The following PPP3CA variants were observed in gnomAD, a reference collection of about 807,000 sequenced individuals.
PPP3CA encodes the protein CAM-PRP catalytic subunit.
A neutral mutation model predicts 66.5 loss-of-function variants in PPP3CA; 14 were observed. That is an observed-to-expected ratio of 0.21 (90% confidence interval 0.14 to 0.33). PPP3CA has a LOEUF of 0.33. Ranked by LOEUF, PPP3CA falls within the 10% of genes least tolerant of loss-of-function variation. The pLI is 1.00. For synonymous variants in PPP3CA, 232 were observed against 226.2 expected (o/e 1.03, Z -0.23); for missense variants, 317 against 639.5 (o/e 0.50, Z 5.44).
At chr4:101,106,458 A>AGAAAGAGAAG (rs1560605216) in intron 3 of PPP3CA, among the ~76,000 whole-genome samples, 1 of 32,676 alleles carries the variant, frequency 3.1e-5, no homozygotes, top group African/African-American at 1.8e-4. Flanking sequence ...AGAAAGAGAA[A>AGAAAGAGAAG]AGAAAAGAAA....
intron 11 of PPP3CA, among the ~76,000 whole-genome samples, chr4:101,036,369 C>T (rs1727248051): frequency 6.6e-6 from 1 of 151,956 alleles, no homozygotes; most frequent in Non-Finnish European, 1.5e-5. Flanking sequence ...TTGCTGTACT[C>T]TTGTCTCTGT....
intron 8 of PPP3CA, among the ~76,000 whole-genome samples, chr4:101,076,489 G>T (rs1729197765): frequency 6.6e-6 from 1 of 152,264 alleles, no homozygotes; most frequent in African/African-American, 2.4e-5. Context: ...ATAAATACAA[G>T]AGAAAATGAT....
intron 1 of PPP3CA, among the ~76,000 whole-genome samples, chr4:101,218,199 A>T (rs1725513190): frequency 6.6e-6 from 1 of 151,922 alleles, no homozygotes; most frequent in African/African-American, 2.4e-5. Flanking sequence ...AGGAAGAGAG[A>T]GTTATTAAAT....
At chr4:101,138,313 G>C (rs1722688399) in intron 2 of PPP3CA, among the ~76,000 whole-genome samples, 1 of 152,176 alleles carries the variant, frequency 6.6e-6, no homozygotes, top group Admixed American at 6.5e-5. Context: ...TTTTGGGTAA[G>C]TAACTAAGCT....
At chr4:101,337,918 A>G (rs1451990897) in intron 1 of PPP3CA, among the ~76,000 whole-genome samples, 1 of 152,152 alleles carries the variant, frequency 6.6e-6, no homozygotes, top group African/African-American at 2.4e-5. Flanking sequence ...AGCAGCCTGT[A>G]CTCGTGATGG....
intron 3 of PPP3CA, among the ~76,000 whole-genome samples, chr4:101,102,797 C>T (rs1730506693): frequency 6.6e-6 from 1 of 152,130 alleles, no homozygotes; most frequent in Non-Finnish European, 1.5e-5. Context: ...AGATGGCTAA[C>T]TTGAATCAAA....
intron 1 of PPP3CA, among the ~76,000 whole-genome samples, chr4:101,219,364 A>G (rs973129296): frequency 5.3e-5 from 8 of 152,020 alleles, no homozygotes; most frequent in Admixed American, 2.0e-4. Context: ...GTAAAGCTCT[A>G]GTATATTATT....
intron 1 of PPP3CA, among the ~76,000 whole-genome samples, chr4:101,310,704 ATTTG>A (rs1186558343): frequency 6.6e-6 from 1 of 152,228 alleles, no homozygotes; most frequent in Non-Finnish European, 1.5e-5. Flanking sequence ...AAAATTAAAA[ATTTG>A]TTTAATTTTG....
At chr4:101,164,940 T>A (rs957043147) in intron 2 of PPP3CA, among the ~76,000 whole-genome samples, 15 of 152,138 alleles carry the variant, frequency 9.9e-5, no homozygotes, top group African/African-American at 3.6e-4. Context: ...TATACATATA[T>A]AATTTTTAAA....
intron 1 of PPP3CA, among the ~76,000 whole-genome samples, chr4:101,287,766 CTTT>C (rs34972470): frequency 2.7e-5 from 4 of 146,184 alleles, no homozygotes; most frequent in Non-Finnish European, 4.5e-5. Context: ...ATTAACCTCT[CTTT>C]TTTTTTTTTT....
chr4:101,160,657 C>T (rs1723474962), intron 2 of PPP3CA, among the ~76,000 whole-genome samples: 1 of 151,872 alleles, frequency 6.6e-6, no homozygotes, highest in Non-Finnish European at 1.5e-5. Flanking sequence ...TAGCAAACAC[C>T]CTTACACTAC....
At chr4:101,270,337 G>A (rs1248189641) in intron 1 of PPP3CA, among the ~76,000 whole-genome samples, 1 of 151,926 alleles carries the variant, frequency 6.6e-6, no homozygotes, top group Non-Finnish European at 1.5e-5. Context: ...CTATCACAAG[G>A]CATACAGCGA....
chr4:101,250,520 C>T (rs1244722933), intron 1 of PPP3CA, among the ~76,000 whole-genome samples: 1 of 152,150 alleles, frequency 6.6e-6, no homozygotes, highest in Non-Finnish European at 1.5e-5. Context: ...ATCCAGGCTT[C>T]CTGCCTTCTT....
intron 2 of PPP3CA, among the ~76,000 whole-genome samples, chr4:101,118,984 A>T (rs2110271485): frequency 1.4e-5 from 2 of 146,576 alleles, no homozygotes; most frequent in Admixed American, 1.3e-4. Context: ...TTTTTTAAAC[A>T]ATGAAGCAAG....
intron 2 of PPP3CA, among the ~76,000 whole-genome samples, chr4:101,147,930 A>G (rs1723020216): frequency 6.6e-6 from 1 of 152,192 alleles, no homozygotes; most frequent in Non-Finnish European, 1.5e-5. Flanking sequence ...AAATCTGGTC[A>G]GTTAGGTAAC....
intron 2 of PPP3CA, among the ~76,000 whole-genome samples, chr4:101,155,210 C>A (rs1723279539): frequency 6.6e-6 from 1 of 152,152 alleles, no homozygotes; most frequent in South Asian, 2.1e-4. Context: ...AGGACAAAAT[C>A]TCATTCTTTC....
chr4:101,327,434 C>T (rs1191642753), intron 1 of PPP3CA, among the ~76,000 whole-genome samples: 1 of 151,408 alleles, frequency 6.6e-6, no homozygotes, highest in East Asian at 1.9e-4. Flanking sequence ...GAAGAGCTCT[C>T]ATAATCTTCT....
chr4:101,047,723 G>A (rs1727830366), intron 10 of PPP3CA, among the ~76,000 whole-genome samples: 1 of 151,982 alleles, frequency 6.6e-6, no homozygotes, highest in South Asian at 2.1e-4. Context: ...CCCCAGTGAG[G>A]TTACAGGTAT....
chr4:101,033,796 T>G (rs2110206708), intron 11 of PPP3CA, among the ~76,000 whole-genome samples: 1 of 152,322 alleles, frequency 6.6e-6, no homozygotes, highest in South Asian at 2.1e-4. Flanking sequence ...CCTATTTCCT[T>G]CAGCCCTGTA....
Sources: gnomAD v4.1 joint callset for allele counts (sites outside exome capture counted in the v4.1 genomes callset) on GRCh38, gnomAD v4.1.1 for gene constraint, MANE v1.5 for transcripts, NCBI Gene and HGNC (gene_info 2026-07-23, HGNC 2026-07-21) for gene names.